The following TUBB4A variants were observed in gnomAD, a reference collection of about 807,000 sequenced individuals.
TUBB4A encodes tubulin beta-4A chain.
In TUBB4A, 13 loss-of-function variants were observed where a neutral mutation model predicts 35.1. The ratio of observed to expected loss-of-function variants is 0.37; its 90% CI spans 0.24 to 0.59. The LOEUF (loss-of-function observed/expected upper bound fraction) is 0.59, where lower values mean the gene tolerates loss of function less well. Ranked by LOEUF, TUBB4A falls within the 20% of genes least tolerant of loss-of-function variation. The pLI, the probability that TUBB4A is intolerant of heterozygous loss-of-function variation, is 0.71. For missense variants in TUBB4A, 299 were observed against 647.2 expected (o/e 0.46, Z 5.84); for synonymous variants, 279 against 272.4 (o/e 1.02, Z -0.24).
chr19:6,498,455 T>C (rs1359299742), intron 3 of TUBB4A, among the ~76,000 whole-genome samples: 2 of 152,060 alleles, frequency 1.3e-5, no homozygotes, highest in African/African-American at 4.8e-5. Flanking sequence ...CTCCTCTGCC[T>C]ACAGCCCTCC....
chr19:6,498,035 C>A (rs531793059), intron 3 of TUBB4A, among the ~76,000 whole-genome samples: 2 of 151,562 alleles, frequency 1.3e-5, no homozygotes, highest in East Asian at 3.9e-4. Flanking sequence ...CACGGTGAAA[C>A]CCCGTCTCTA....
At position 6,501,496 on chromosome 19, in the gene TUBB4A, G is replaced by T. The variant is rs1438285055; in HGVS notation, c.166+19C>A. 6.2e-7 allele frequency: 1 copy of T among 1,611,282 alleles called. No individual in the cohort carries two copies. The highest frequency in any genetic ancestry group is 8.5e-7 in the Non-Finnish European group (1 of 1,178,310). On this transcript the variant is annotated intron_variant, in intron 2 of 3. Coordinates refer to ENST00000264071, the MANE Select transcript of TUBB4A (RefSeq NM_006087.4). This position sits in a 1 kb window ranked among gnomAD's most constrained non-coding sequence, Gnocchi z 4.2. ...CCCAGCTGCCCCTTCCCACCTGGAA[G>T]GTGCCTCCTTCGCCCTACCTGTGGC... is the stretch of plus-strand genomic sequence containing the variant.
rs183488583 is a variant in TUBB4A, at chr19:6,499,632, G to A, written c.277+1655C>T. Among the ~76,000 whole-genome samples the A allele has an allele frequency of 1.2e-4, 19 of 152,290 alleles. 1 individual carries two copies. The highest frequency in any genetic ancestry group is 9.8e-4 in the Admixed American group (15 of 15,274). ...TATCTTCACATATGCTGTTGCCTCC[G>A]TCTTAAACATCTTTCCTCCCTTCCA... On this transcript the variant is annotated intron_variant, in intron 3 of 3. Coordinates refer to ENST00000264071, the MANE Select transcript of TUBB4A (RefSeq NM_006087.4).
chr19:6,496,040 A>G lies in TUBB4A; in HGVS notation c.459T>C (p.Ser153=). The G allele has an allele frequency of 6.2e-7, 1 of 1,614,176 alleles. No individual in the cohort carries two copies. The highest frequency in any genetic ancestry group is 1.1e-5 in the South Asian group (1 of 91,082). Residue 153 remains serine (S), a synonymous_variant, in exon 4 of 4, where the codon AGT becomes AGC. Coordinates refer to ENST00000264071, the MANE Select transcript of TUBB4A (RefSeq NM_006087.4). Reference sequence around the variant, plus strand: ...GGTCTGGGAACTCCTCGCGGATCTTACTGATGAGCAGCGTGCCCATTCCGG... The same window carrying G: ...GGTCTGGGAACTCCTCGCGGATCTTGCTGATGAGCAGCGTGCCCATTCCGG... The part of the protein sequence containing the change: ...TGSGMGTLLI[S]KIREEFPDRI...
In TUBB4A at chr19:6,495,112, G is replaced by A. The variant is rs979813359; in HGVS notation, c.*52C>T. On this transcript the variant is annotated 3_prime_UTR_variant, in exon 4 of 4. Coordinates refer to ENST00000264071, the MANE Select transcript of TUBB4A (RefSeq NM_006087.4). This position sits in a 1 kb window ranked among gnomAD's most constrained non-coding sequence, Gnocchi z 8.7. ...AGGGTTCAGAGATGGGGGGCCTAGCGGATCAAAGGTCAGAAGCCTCGAGGG... is the reference window on the plus strand; with the variant it reads ...AGGGTTCAGAGATGGGGGGCCTAGCAGATCAAAGGTCAGAAGCCTCGAGGG... The A allele has an allele frequency of 6.5e-5, 103 of 1,596,418 alleles. No individual in the cohort carries two copies. The Admixed American group carries it at 1.6e-3, about 24-fold the overall frequency.
At chr19:6,502,406 A>T, upstream of TUBB4A, 1 of 587,556 alleles carries the variant, frequency 1.7e-6, no homozygotes, top group Non-Finnish European at 2.7e-6. Context: ...CCCCGGGATG[A>T]TGGAGGGGGC....
chr19:6,501,528 G>A lies in TUBB4A; in HGVS notation c.153C>T (p.Tyr51=). 6.2e-7 allele frequency: 1 copy of A among 1,614,002 alleles called. No individual in the cohort carries two copies. The highest frequency in any genetic ancestry group is 8.5e-7 in the Non-Finnish European group (1 of 1,179,892). Residue 51 remains tyrosine (Y), a synonymous_variant, in exon 2 of 4, where the codon TAC becomes TAT. Transcript: ENST00000264071. The surrounding 1 kb of genome is among the most constrained non-coding windows in gnomAD (Gnocchi z 4.2). The part of the protein sequence containing the change: ...DLQLERINVY[Y]NEATGGNYVP... ...CCTTCGCCCTACCTGTGGCCTCGTT[G>A]TAGTACACGTTGATCCTCTCCAGTT...
In TUBB4A at chr19:6,495,389, G is replaced by A. The variant is rs752810525; in HGVS notation, c.1110C>T (p.Asn370=). ...GLKMAATFIG[N]STAIQELFKR... The stretch of plus-strand genomic sequence containing the variant: ...TGAACAGCTCCTGGATGGCCGTGCT[G>A]TTGCCGATGAAGGTCGCGGCCATCT... The change falls in exon 4 of 4, where the codon AAC becomes AAT. Residue 370 remains asparagine (N), a synonymous_variant. Coordinates refer to ENST00000264071, the MANE Select transcript of TUBB4A (RefSeq NM_006087.4). The surrounding 1 kb of genome is among the most constrained non-coding windows in gnomAD (Gnocchi z 8.7). 3.1e-6 allele frequency: 5 copies of A among 1,613,870 alleles called. No individual in the cohort carries two copies. The highest frequency in any genetic ancestry group is 4.2e-6 in the Non-Finnish European group (5 of 1,180,016).
rs1411245156 is a variant in TUBB4A at position 6,501,993 on chromosome 19, A to T, written c.57+163T>A. Among the ~76,000 whole-genome samples, 1 of 151,676 alleles carries T rather than the reference A, an allele frequency of 6.6e-6. No individual in the cohort carries two copies. The highest frequency in any genetic ancestry group is 1.5e-5 in the Non-Finnish European group (1 of 67,876). On this transcript the variant is annotated intron_variant, in intron 1 of 3. Transcript: ENST00000264071. The surrounding 1 kb of genome is among the most constrained non-coding windows in gnomAD (Gnocchi z 4.2). ...TCTTTGTTCCCAGTCTGGCCCTGCC[A>T]CCCCCACCCCGCGACCCTTCCCCCA...
rs1243656126 is a variant in TUBB4A, at chr19:6,495,278, C to T, written c.1221G>A (p.Glu407=). ...TCATGTTGCTCTCGGCCTCGGTGAA[C>T]TCCATCTCGTCCATGCCCTCGCCCG... ...WYTGEGMDEM[E]FTEAESNMND... Residue 407 remains glutamate (E), a synonymous_variant, in exon 4 of 4, where the codon GAG becomes GAA. Transcript: ENST00000264071. The surrounding 1 kb of genome is among the most constrained non-coding windows in gnomAD (Gnocchi z 8.7). 1 of 1,613,734 alleles carries T rather than the reference C, an allele frequency of 6.2e-7. No individual in the cohort carries two copies. Among genetic ancestry groups the T allele is most frequent in the Non-Finnish European group, 8.5e-7 (1 of 1,179,892 alleles).
chr19:6,494,823 C>A lies in TUBB4A; in HGVS notation c.*341G>T. 2.5e-6 allele frequency: 1 copy of A among 403,914 alleles called. No individual in the cohort carries two copies. The highest frequency in any genetic ancestry group is 4.9e-5 in the East Asian group (1 of 20,446). The allele number at this position is 403,914 out of a possible 1,614,324, so 25.0% of individuals were successfully genotyped here. A position where few individuals can be genotyped will look rare whatever the true frequency, so the allele number is the denominator to read the frequency against. ...ATAGGTCTAGAGGTAAAATGGGATT[C>A]ATGGGGGGCAGAGGTCAAAGGTGAA... On this transcript the variant is annotated 3_prime_UTR_variant, in exon 4 of 4. Coordinates refer to ENST00000264071, the MANE Select transcript of TUBB4A (RefSeq NM_006087.4).
intron 3 of TUBB4A, among the ~76,000 whole-genome samples, chr19:6,499,897 TTC>T (rs1315469416): frequency 6.6e-6 from 1 of 151,878 alleles, no homozygotes; most frequent in Non-Finnish European, 1.5e-5. Flanking sequence ...GTTCAAGCAA[TTC>T]TCTTGCCTCA....
Position 6,495,952 on chromosome 19 carries a change from A to G in TUBB4A, c.547T>C (p.Tyr183His). 6.2e-7 allele frequency: 1 copy of G among 1,614,200 alleles called. No individual in the cohort carries two copies. Among genetic ancestry groups the G allele is most frequent in the Non-Finnish European group, 8.5e-7 (1 of 1,180,038 alleles). ...PKVSDTVVEP[Y>H]NATLSVHQLV... Reference sequence around the variant, plus strand: ...TGGTGCACAGACAGCGTGGCGTTGTAGGGCTCCACCACCGTGTCTGACACT... The same window carrying G: ...TGGTGCACAGACAGCGTGGCGTTGTGGGGCTCCACCACCGTGTCTGACACT... Residue 183 changes from tyrosine (Y) to histidine (H), a missense_variant, in exon 4 of 4, where the codon TAC (tyrosine) becomes CAC (histidine). By Grantham distance (83) the Tyr-to-His change is moderately conservative. Coordinates refer to ENST00000264071, the MANE Select transcript of TUBB4A (RefSeq NM_006087.4). The surrounding 1 kb of genome is among the most constrained non-coding windows in gnomAD (Gnocchi z 8.7).
At chr19:6,496,506 C>T (rs1330939306) in intron 3 of TUBB4A, 1 of 312,160 alleles carries the variant, frequency 3.2e-6, no homozygotes, top group Non-Finnish European at 6.1e-6. Context: ...TGGCGGGCGC[C>T]TGTAGTCCTA....
At chr19:6,498,545 T>A (rs1333755071) in intron 3 of TUBB4A, among the ~76,000 whole-genome samples, 1 of 152,178 alleles carries the variant, frequency 6.6e-6, no homozygotes, top group Non-Finnish European at 1.5e-5. Context: ...CCCCATCCCC[T>A]CCCTCACTCT....
chr19:6,496,507 TG>T (rs1209180038), intron 3 of TUBB4A: 1 of 309,674 alleles, frequency 3.2e-6, no homozygotes, highest in South Asian at 3.7e-5. Flanking sequence ...GGCGGGCGCC[TG>T]TAGTCCTAGC....
Position 6,501,211 on chromosome 19 carries a change from T to G in TUBB4A, c.277+76A>C. 1.6e-6 allele frequency: 2 copies of G among 1,255,472 alleles called. No individual in the cohort carries two copies. The highest frequency in any genetic ancestry group is 2.7e-5 in the South Asian group (2 of 73,426). The allele number at this position is 1,255,472 out of a possible 1,614,324, so 77.8% of individuals were successfully genotyped here. A position where few individuals can be genotyped will look rare whatever the true frequency, so the allele number is the denominator to read the frequency against. The stretch of plus-strand genomic sequence containing the variant: ...CCCATCTCTGGTCTGTGGGCCCCGG[T>G]GGTGGCTGTTGACTCTGTGGTGTTA... On this transcript the variant is annotated intron_variant, in intron 3 of 3. Transcript: ENST00000264071. The surrounding 1 kb of genome is among the most constrained non-coding windows in gnomAD (Gnocchi z 4.2).
chr19:6,498,883 A>G (rs1265213657), intron 3 of TUBB4A, among the ~76,000 whole-genome samples: 1 of 152,216 alleles, frequency 6.6e-6, no homozygotes, highest in Non-Finnish European at 1.5e-5. Context: ...GTGGCCCATC[A>G]TAGGTCCTTG....
In TUBB4A at chr19:6,494,820, A is replaced by C; in HGVS notation, c.*344T>G. On this transcript the variant is annotated 3_prime_UTR_variant, in exon 4 of 4. Coordinates refer to ENST00000264071, the MANE Select transcript of TUBB4A (RefSeq NM_006087.4). ...CTTATAGGTCTAGAGGTAAAATGGG[A>C]TTCATGGGGGGCAGAGGTCAAAGGT... is the stretch of plus-strand genomic sequence containing the variant. The C allele has an allele frequency of 2.6e-6, 1 of 391,732 alleles. No homozygotes were observed. 24.3% of individuals were successfully genotyped at this position (391,732 alleles called of 1,614,324 possible). A position where few individuals can be genotyped will look rare whatever the true frequency, so the allele number is the denominator to read the frequency against.
Sources: gnomAD v4.1 joint callset for allele counts (sites outside exome capture counted in the v4.1 genomes callset) on GRCh38, gnomAD v4.1.1 for gene constraint, Gnocchi (gnomAD v3.1) non-coding constraint, MANE v1.5 for transcripts, NCBI Gene and HGNC (gene_info 2026-07-23, HGNC 2026-07-21) for gene names.